The following PHLPP2 variants were observed in gnomAD, a reference collection of about 807,000 sequenced individuals.
The protein encoded by PHLPP2 is PH domain leucine-rich repeat-containing protein phosphatase 2.
A neutral mutation model predicts 124.9 loss-of-function variants in PHLPP2; 66 were observed. The observed-to-expected ratio is 0.53, with a 90% CI of 0.43 to 0.65. PHLPP2 has a LOEUF of 0.65. Among genes scored for constraint, PHLPP2 ranks in the 30% least tolerant of loss-of-function variants. The pLI, the probability that PHLPP2 is intolerant of heterozygous loss-of-function variation, is 0.00. For missense variants in PHLPP2, 1,685 were observed against 1,600.4 expected, an observed-to-expected ratio of 1.05 and a Z score of -0.90; for synonymous variants, 681 against 624.7, an observed-to-expected ratio of 1.09 and a Z score of -1.34.
At chr16:71,706,283 A>G (rs2045273610) in intron 2 of PHLPP2, among the ~76,000 whole-genome samples, 1 of 152,244 alleles carries the variant, frequency 6.6e-6, no homozygotes, top group African/African-American at 2.4e-5. Context: ...CGGACATAGC[A>G]ATGCTGTTAA....
intron 10 of PHLPP2, among the ~76,000 whole-genome samples, chr16:71,670,179 G>A (rs1274459227): frequency 6.6e-6 from 1 of 152,214 alleles, no homozygotes; most frequent in African/African-American, 2.4e-5. Flanking sequence ...AACATATGAT[G>A]TGTATGGGGA....
chr16:71,723,747 G>A, intron 1 of PHLPP2: 3 of 1,204,370 alleles, frequency 2.5e-6, no homozygotes, highest in Non-Finnish European at 2.2e-6. Flanking sequence ...TCGCTCGCTC[G>A]CTGGTCCATC....
At position 71,678,787 on chromosome 16, in the gene PHLPP2, ATTC is replaced by A. The variant is rs2044970400; in HGVS notation, c.1233_1235del (p.Asn412del). The A allele has an allele frequency of 2.5e-6, 4 of 1,606,586 alleles. No individual in the cohort carries two copies. Among genetic ancestry groups the A allele is most frequent in the Non-Finnish European group, 3.4e-6 (4 of 1,173,128 alleles). ...CCACATGCTTGATATGGTTCATCCTATTCAGCACCCCTAAGTTCAGGACTTCCA... is the reference window on the plus strand; with the variant it reads ...CCACATGCTTGATATGGTTCATCCTAAGCACCCCTAAGTTCAGGACTTCCA... On this transcript the variant is annotated inframe_deletion, in exon 8 of 19. Transcript: ENST00000568954.
chr16:71,652,679 G>C, intron 18 of PHLPP2, 111 bp downstream of exon 18: 1 of 731,510 alleles, frequency 1.4e-6, no homozygotes, highest in Non-Finnish European at 2.4e-6. Flanking sequence ...TATCTGGATT[G>C]GATACAATTT....
chr16:71,695,049 T>G lies in PHLPP2; in HGVS notation c.419-4340A>C, dbSNP rs546224797. ...ATCCGCCCGTCTTGGCATCCCAAAGTGCTGGGATTACAGGCATGAGCCACC... is the reference window on the plus strand; with the variant it reads ...ATCCGCCCGTCTTGGCATCCCAAAGGGCTGGGATTACAGGCATGAGCCACC... On this transcript the variant is annotated intron_variant, in intron 3 of 18. Transcript: ENST00000568954. 2.0e-3 allele frequency among the ~76,000 whole-genome samples: 300 copies of G among 152,278 alleles called. 1 individual carries two copies. The highest frequency in any genetic ancestry group is 3.5e-3 in the Non-Finnish European group (237 of 68,024).
chr16:71,701,040 G>GT (rs751697321), intron 3 of PHLPP2, among the ~76,000 whole-genome samples: 2 of 152,102 alleles, frequency 1.3e-5, no homozygotes, highest in Non-Finnish European at 2.9e-5. Flanking sequence ...CCAGCAGCTG[G>GT]TGAGGAACTG....
rs1184494158 is a variant in PHLPP2 at position 71,661,653 on chromosome 16, A to G, written c.1985+2246T>C. 5.3e-5 allele frequency among the ~76,000 whole-genome samples: 8 copies of G among 152,194 alleles called. 1 individual carries two copies. In the East Asian group the frequency reaches 1.2e-3, roughly 22 times the overall value. On this transcript the variant is annotated intron_variant, in intron 13 of 18. Transcript: ENST00000568954. The stretch of plus-strand genomic sequence containing the variant: ...TTTAGAAGTCATTAAAAAAAAATGT[A>G]AAAGTAAAAAGTCATTGTTTTAATT...
At chr16:71,668,055 T>C (rs1478098266) in intron 11 of PHLPP2, among the ~76,000 whole-genome samples, 2 of 152,146 alleles carry the variant, frequency 1.3e-5, no homozygotes, top group Non-Finnish European at 2.9e-5. Context: ...CCATGAAACA[T>C]TCCCTAATTA....
chr16:71,678,817 G>A lies in PHLPP2; in HGVS notation c.1206C>T (p.Cys402=), dbSNP rs767121163. The change falls in exon 8 of 19, where the codon TGC becomes TGT. Residue 402 remains cysteine, a synonymous_variant. Coordinates refer to ENST00000568954, the MANE Select transcript of PHLPP2 (RefSeq NM_015020.3). The part of the protein sequence containing the change: ...MLDRVVMAGN[C]LEVLNLGVLN... ...GCACCCCTAAGTTCAGGACTTCCAG[G>A]CAATTTCCTGCCATAACCACTCTAT... 2 of 1,612,266 alleles carry A rather than the reference G, an allele frequency of 1.2e-6. No individual in the cohort carries two copies. Among genetic ancestry groups the A allele is most frequent in the African/African-American group, 2.7e-5 (2 of 74,974 alleles).
rs903209351 is a variant in PHLPP2, at chr16:71,646,129, A to C, written c.*2761T>G. The stretch of plus-strand genomic sequence containing the variant: ...CCTCTGGGTAAAGTACTCGGAAGTA[A>C]ATTACATTCACCTGGAGACAGATAC... On this transcript the variant is annotated 3_prime_UTR_variant, in exon 19 of 19. Coordinates refer to ENST00000568954, the MANE Select transcript of PHLPP2 (RefSeq NM_015020.3). 8.5e-5 allele frequency: 13 copies of C among 152,652 alleles called. No homozygotes were observed. The highest frequency in any genetic ancestry group is 1.3e-4 in the Non-Finnish European group (9 of 68,044). The allele number at this position is 152,652 out of a possible 1,614,324, so 9.5% of individuals were successfully genotyped here.
At chr16:71,676,335 C>T in intron 9 of PHLPP2, 112 bp downstream of exon 9, 1 of 760,628 alleles carries the variant, frequency 1.3e-6, no homozygotes, top group Non-Finnish European at 2.2e-6. Flanking sequence ...CCTCAATGAG[C>T]CACAAACCCC....
chr16:71,649,382 G>C lies in PHLPP2; in HGVS notation c.3480C>G (p.Thr1160=), dbSNP rs748748366. Residue 1160 remains threonine (T), a synonymous_variant, in exon 19 of 19, where the codon ACC becomes ACG. Transcript: ENST00000568954. ...CTTCCACCTCTACCTTGCTGCCATT[G>C]GTTATGACCCCCTCAACGGGCTGGT... ...DDDQPVEGVI[T]NGSKVEVEVD... The C allele has an allele frequency of 1.2e-6, 2 of 1,613,978 alleles. No homozygotes were observed. Among genetic ancestry groups the C allele is most frequent in the Non-Finnish European group, 1.7e-6 (2 of 1,179,876 alleles).
At chr16:71,697,781 G>A (rs1038763932) in intron 3 of PHLPP2, among the ~76,000 whole-genome samples, 5 of 149,408 alleles carry the variant, frequency 3.3e-5, no homozygotes, top group African/African-American at 1.2e-4. Flanking sequence ...TTTCTCCAAC[G>A]CAAATAAGAG....
At chr16:71,658,946 A>T (rs922938356) in intron 13 of PHLPP2, 131 bp from the exon 14 acceptor site, 5 of 761,830 alleles carry the variant, frequency 6.6e-6, no homozygotes, top group Non-Finnish European at 1.1e-5. Context: ...GAGAAATGAA[A>T]CCGATACCAG....
At chr16:71,674,287 C>T (rs935127018) in intron 9 of PHLPP2, among the ~76,000 whole-genome samples, 1 of 151,984 alleles carries the variant, frequency 6.6e-6, no homozygotes, top group Non-Finnish European at 1.5e-5. Flanking sequence ...CCATAATAGC[C>T]AGGCTGGTCT....
In PHLPP2 at chr16:71,681,774, G is replaced by A. The variant is rs368034412; in HGVS notation, c.867C>T (p.Pro289=). 3.2e-5 allele frequency: 51 copies of A among 1,613,408 alleles called. 1 individual carries two copies. In the African/African-American group the frequency reaches 4.4e-4, roughly 14 times the overall value. Reference sequence around the variant, plus strand: ...ACTTGTAGAGTGTATCGAGGCCTCCGGGTCTTTCTAACTGCATGAAGTTGT... The same window carrying A: ...ACTTGTAGAGTGTATCGAGGCCTCCAGGTCTTTCTAACTGCATGAAGTTGT... ...LRHNFMQLER[P]GGLDTLYKFS... is the part of the protein sequence containing the mutation. Residue 289 remains proline (P), a synonymous_variant, in exon 6 of 19, where the codon CCC becomes CCT. Coordinates refer to ENST00000568954, the MANE Select transcript of PHLPP2 (RefSeq NM_015020.3).
At position 71,698,418 on chromosome 16, in the gene PHLPP2, A is replaced by T. The variant is rs11864242; in HGVS notation, c.418+4180T>A. 951 of 712,838 alleles carry T rather than the reference A, an allele frequency of 1.3e-3. 14 individuals carry two copies. In the African/African-American group the frequency reaches 0.015, roughly 11 times the overall value. 44.2% of individuals were successfully genotyped at this position (712,838 alleles called of 1,614,324 possible). A position where few individuals can be genotyped will look rare whatever the true frequency, so the allele number is the denominator to read the frequency against. On this transcript the variant is annotated intron_variant, in intron 3 of 18. Coordinates refer to ENST00000568954, the MANE Select transcript of PHLPP2 (RefSeq NM_015020.3). ...GGGCCTCAATCATGTGCTCCTTGTT[A>T]TGCAGCTTGGTGCAGATGGACATGG...
chr16:71,697,707 C>T (rs1015925190), intron 3 of PHLPP2, among the ~76,000 whole-genome samples: 7 of 152,236 alleles, frequency 4.6e-5, no homozygotes, highest in Middle Eastern at 6.8e-3. Context: ...GGGAGTTGTG[C>T]TACCTGAGCC....
At chr16:71,679,040 C>G in intron 7 of PHLPP2, 55 bp from the exon 8 acceptor site, 1 of 977,192 alleles carries the variant, frequency 1.0e-6, no homozygotes, top group Non-Finnish European at 1.6e-6. Flanking sequence ...CTGGAATGCA[C>G]AGAATCAGAG....
Sources: gnomAD v4.1 joint callset for allele counts (sites outside exome capture counted in the v4.1 genomes callset) on GRCh38, gnomAD v4.1.1 for gene constraint, MANE v1.5 for transcripts, NCBI Gene and HGNC (gene_info 2026-07-23, HGNC 2026-07-21) for gene names.